DRC11: variants seen among roughly 807,000 people sequenced by gnomAD.
DRC11 encodes the protein IQ and AAA domain-containing protein 1.
chr2:236,358,058 T>A, the DRC11 span, among the ~76,000 whole-genome samples: 3 of 118,924 alleles, frequency 2.5e-5, no homozygotes. Context: ...TAGATATATA[T>A]TATATGAATA....
At chr2:236,373,854 A>C in the DRC11 span, among the ~76,000 whole-genome samples, 1 of 151,812 alleles carries the variant, frequency 6.6e-6, no homozygotes, top group African/African-American at 2.4e-5. Context: ...CCCTCCCCTA[A>C]TTTCTTCTGG....
the DRC11 span, among the ~76,000 whole-genome samples, chr2:236,360,897 G>A: frequency 3.9e-5 from 6 of 152,144 alleles, no homozygotes; most frequent in African/African-American, 1.4e-4. This position sits in a 1 kb window ranked among gnomAD's most constrained non-coding sequence, Gnocchi z 5.8. Context: ...AGTTCAAGCT[G>A]ATCAGCCAGT....
chr2:236,438,880 A>C, the DRC11 span, among the ~76,000 whole-genome samples: 27 of 151,940 alleles, frequency 1.8e-4, no homozygotes, highest in African/African-American at 5.6e-4. Flanking sequence ...CTCAGACCAC[A>C]GTGCAATCAA....
At chr2:236,406,687 T>C in the DRC11 span, among the ~76,000 whole-genome samples, 2 of 151,960 alleles carry the variant, frequency 1.3e-5, no homozygotes, top group Admixed American at 6.6e-5. This position sits in a 1 kb window ranked among gnomAD's most constrained non-coding sequence, Gnocchi z 4.7. Flanking sequence ...AAAATTAATA[T>C]GCACCAAACA....
the DRC11 span, among the ~76,000 whole-genome samples, chr2:236,352,630 T>G: frequency 6.6e-6 from 1 of 152,184 alleles, no homozygotes; most frequent in Admixed American, 6.5e-5. The surrounding 1 kb of genome is among the most constrained non-coding windows in gnomAD (Gnocchi z 7.0). Context: ...CTCTTCTCCC[T>G]CCACCTAGAA....
At chr2:236,398,592 T>C in the DRC11 span, among the ~76,000 whole-genome samples, 2 of 152,202 alleles carry the variant, frequency 1.3e-5, no homozygotes, top group Non-Finnish European at 2.9e-5. This position sits in a 1 kb window ranked among gnomAD's most constrained non-coding sequence, Gnocchi z 6.2. Context: ...CCTTGGCAGG[T>C]CACTGTGTTT....
chr2:236,415,442 A>G, the DRC11 span, among the ~76,000 whole-genome samples: 1 of 152,230 alleles, frequency 6.6e-6, no homozygotes, highest in South Asian at 2.1e-4. The surrounding 1 kb of genome is among the most constrained non-coding windows in gnomAD (Gnocchi z 5.7). Flanking sequence ...AAGGATTTGA[A>G]TAACTGGTCT....
the DRC11 span, chr2:236,419,199 G>GT: frequency 6.5e-7 from 1 of 1,544,594 alleles, no homozygotes; most frequent in Non-Finnish European, 8.7e-7. This position sits in a 1 kb window ranked among gnomAD's most constrained non-coding sequence, Gnocchi z 4.8. Flanking sequence ...TTCTTGGGTT[G>GT]TTTTTCCTTT....
the DRC11 span, among the ~76,000 whole-genome samples, chr2:236,469,350 A>T: frequency 6.6e-6 from 1 of 152,048 alleles, no homozygotes; most frequent in Non-Finnish European, 1.5e-5. This position sits in a 1 kb window ranked among gnomAD's most constrained non-coding sequence, Gnocchi z 5.8. Flanking sequence ...GGACTATAGG[A>T]GTGCACCACC....
the DRC11 span, among the ~76,000 whole-genome samples, chr2:236,466,993 G>C: frequency 3.9e-5 from 6 of 152,186 alleles, no homozygotes; most frequent in Non-Finnish European, 7.3e-5. Context: ...CATTTTGGTA[G>C]TTCCCTTGAG....
the DRC11 span, among the ~76,000 whole-genome samples, chr2:236,389,275 G>T: frequency 6.6e-6 from 1 of 152,220 alleles, no homozygotes; most frequent in African/African-American, 2.4e-5. Context: ...CTGCCGCCTT[G>T]CAGTTTGATC....
the DRC11 span, chr2:236,408,815 T>C: frequency 2.0e-5 from 13 of 664,268 alleles, no homozygotes; most frequent in Admixed American, 2.5e-4. The surrounding 1 kb of genome is among the most constrained non-coding windows in gnomAD (Gnocchi z 5.5). Flanking sequence ...TAGCCCACAA[T>C]GCCCATAGCC....
At chr2:236,479,080 C>T in the DRC11 span, among the ~76,000 whole-genome samples, 1 of 152,186 alleles carries the variant, frequency 6.6e-6, no homozygotes, top group Non-Finnish European at 1.5e-5. The surrounding 1 kb of genome is among the most constrained non-coding windows in gnomAD (Gnocchi z 4.1). Context: ...GCACCTTGGC[C>T]TCCCAAAGTG....
the DRC11 span, among the ~76,000 whole-genome samples, chr2:236,459,601 A>ATACGTATATACGTATACGTATACG: frequency 2.8e-4 from 34 of 121,542 alleles, no homozygotes; most frequent in African/African-American, 3.3e-4. Flanking sequence ...ATACGTATAC[A>ATACGTATATACGTATACGTATACG]TATATACGTA....
At chr2:236,488,572 C>A in the DRC11 span, among the ~76,000 whole-genome samples, 2,345 of 152,178 alleles carry the variant, frequency 0.015, 73 homozygotes, top group African/African-American at 0.053. Context: ...AATGAAAAAC[C>A]TACCTCTAAT....
the DRC11 span, chr2:236,331,376 C>T: frequency 1.2e-6 from 2 of 1,613,124 alleles, no homozygotes; most frequent in South Asian, 1.1e-5. This position sits in a 1 kb window ranked among gnomAD's most constrained non-coding sequence, Gnocchi z 4.8. Flanking sequence ...CTCTCTTCTT[C>T]CTCTTTGTAC....
chr2:236,346,639 G>C, the DRC11 span: 6 of 169,082 alleles, frequency 3.5e-5, no homozygotes, highest in Non-Finnish European at 8.8e-5. Flanking sequence ...GGAGCTAGTC[G>C]GGCATGAGCA....
chr2:236,480,881 G>A, the DRC11 span, among the ~76,000 whole-genome samples: 2 of 152,112 alleles, frequency 1.3e-5, no homozygotes, highest in African/African-American at 4.8e-5. Context: ...TTTGCTTAGG[G>A]GTTCTTTACA....
chr2:236,471,980 A>G, the DRC11 span, among the ~76,000 whole-genome samples: 1 of 152,224 alleles, frequency 6.6e-6, no homozygotes, highest in Non-Finnish European at 1.5e-5. This position sits in a 1 kb window ranked among gnomAD's most constrained non-coding sequence, Gnocchi z 4.6. Context: ...TTAGTCTCTG[A>G]TGATCTGGAG....
Sources: gnomAD v4.1 joint callset for allele counts (sites outside exome capture counted in the v4.1 genomes callset) on GRCh38, gnomAD v4.1.1 for gene constraint, Gnocchi (gnomAD v3.1) non-coding constraint, MANE v1.5 for transcripts, NCBI Gene and HGNC (gene_info 2026-07-23, HGNC 2026-07-21) for gene names.